The following KIAA0319L variants were observed in gnomAD, a reference collection of about 807,000 sequenced individuals.
KIAA0319L encodes the protein dyslexia-associated protein KIAA0319-like protein.
Under a neutral mutation model 120.1 loss-of-function variants are expected in KIAA0319L, and 55 were observed. That is an observed-to-expected ratio of 0.46 (90% CI 0.37 to 0.57). The LOEUF is 0.57. KIAA0319L is among the 20% of genes least tolerant of loss of function. The pLI, the probability that KIAA0319L is intolerant of heterozygous loss-of-function variation, is 0.00. For synonymous variants in KIAA0319L, 398 were observed against 471.9 expected (o/e 0.84, Z 2.03); for missense variants, 1,049 against 1,255.3 (o/e 0.84, Z 2.48).
chr1:35,496,970 A>G (rs1570827068), intron 3 of KIAA0319L, among the ~76,000 whole-genome samples: 3 of 150,942 alleles, frequency 2.0e-5, no homozygotes, highest in Admixed American at 1.3e-4. Context: ...AAAAAAAAAA[A>G]GCAGCTACTG....
chr1:35,493,008 T>A (rs1644655591), intron 3 of KIAA0319L, among the ~76,000 whole-genome samples: 1 of 151,780 alleles, frequency 6.6e-6, no homozygotes, highest in East Asian at 1.9e-4. Flanking sequence ...AAAGTAAAAA[T>A]ATATAAAAAA....
intron 3 of KIAA0319L, among the ~76,000 whole-genome samples, chr1:35,499,294 A>C (rs1644918776): frequency 6.6e-6 from 1 of 152,222 alleles, no homozygotes; most frequent in Non-Finnish European, 1.5e-5. Flanking sequence ...TGATGGTATT[A>C]GGAGGTAGGG....
chr1:35,542,056 A>C (rs1646814072), intron 2 of KIAA0319L, among the ~76,000 whole-genome samples: 1 of 152,186 alleles, frequency 6.6e-6, no homozygotes, highest in Non-Finnish European at 1.5e-5. Flanking sequence ...GTGCAGACAA[A>C]GCTCCCACTG....
At chr1:35,552,629 T>C (rs1389438091) in intron 2 of KIAA0319L, among the ~76,000 whole-genome samples, 2 of 152,054 alleles carry the variant, frequency 1.3e-5, no homozygotes, top group African/African-American at 4.8e-5. Context: ...GTAGGTGTGC[T>C]TCAAAAAATG....
chr1:35,492,601 T>C (rs1644639425), intron 3 of KIAA0319L, among the ~76,000 whole-genome samples: 2 of 152,152 alleles, frequency 1.3e-5, no homozygotes, highest in African/African-American at 4.8e-5. Context: ...GTTTAACATT[T>C]GAAATCAATC....
chr1:35,479,137 C>T lies in KIAA0319L; in HGVS notation c.742G>A (p.Val248Ile), dbSNP rs769753959. ...TCTGATATTTCAGGTTGCACTGATACATTCTTTGGCCCACCAGACAGCTCT... is the reference window on the plus strand; with the variant it reads ...TCTGATATTTCAGGTTGCACTGATATATTCTTTGGCCCACCAGACAGCTCT... The part of the protein sequence containing the change: ...TAELSGGPKN[V>I]SVQPEISEGL... The change falls in exon 4 of 21, where the codon GTA becomes ATA. Residue 248 changes from valine (V) to isoleucine (I), a missense_variant. Physicochemically the swap from Val to Ile is conservative, Grantham distance 29. Coordinates refer to ENST00000325722, the MANE Select transcript of KIAA0319L (RefSeq NM_024874.5). The T allele has an allele frequency of 1.2e-5, 20 of 1,614,124 alleles. No individual in the cohort carries two copies. Among genetic ancestry groups the T allele is most frequent in the Non-Finnish European group, 1.7e-5 (20 of 1,179,974 alleles).
At chr1:35,518,977 CAAA>C (rs766877681) in intron 2 of KIAA0319L, among the ~76,000 whole-genome samples, 42 of 59,760 alleles carry the variant, frequency 7.0e-4, no homozygotes, top group African/African-American at 1.8e-3. Context: ...GACTCTGTCT[CAAA>C]AAAAAAAAAA....
intron 2 of KIAA0319L, among the ~76,000 whole-genome samples, chr1:35,530,454 C>T (rs1438113191): frequency 1.3e-5 from 2 of 152,034 alleles, no homozygotes; most frequent in Non-Finnish European, 2.9e-5. Context: ...TATGCTATCT[C>T]TTTGGTGAAT....
At chr1:35,546,124 A>C (rs1319473176) in intron 2 of KIAA0319L, among the ~76,000 whole-genome samples, 1 of 152,192 alleles carries the variant, frequency 6.6e-6, no homozygotes, top group Non-Finnish European at 1.5e-5. Context: ...AGTAGTGAGC[A>C]CACAGGTTAC....
At chr1:35,438,098 TA>T (rs1640929237) in intron 20 of KIAA0319L, among the ~76,000 whole-genome samples, 1 of 152,248 alleles carries the variant, frequency 6.6e-6, no homozygotes, top group Non-Finnish European at 1.5e-5. Context: ...CTGATTTTCC[TA>T]AACCAGCTTA....
intron 2 of KIAA0319L, among the ~76,000 whole-genome samples, chr1:35,529,160 T>C (rs1258228538): frequency 6.6e-6 from 1 of 152,228 alleles, no homozygotes; most frequent in East Asian, 1.9e-4. Flanking sequence ...CACCTTGGCC[T>C]CCTGAAGTAC....
intron 2 of KIAA0319L, among the ~76,000 whole-genome samples, chr1:35,519,876 G>A (rs1440604060): frequency 6.6e-6 from 1 of 152,108 alleles, no homozygotes; most frequent in Non-Finnish European, 1.5e-5. Context: ...CTCCAGCACT[G>A]ATATTCTCCA....
rs1490341354 is a variant in KIAA0319L, at chr1:35,434,137, T to G, written c.*757A>C. ...TCTTGCTCTGTCACTCAGGCTGGAG[T>G]GCAGTGGCACGATCTTGGCTCACTG... On this transcript the variant is annotated 3_prime_UTR_variant, in exon 21 of 21. Transcript: ENST00000325722. 1.4e-5 allele frequency: 2 copies of G among 146,760 alleles called. No individual in the cohort carries two copies. The highest frequency in any genetic ancestry group is 3.0e-5 in the Non-Finnish European group (2 of 67,478). 9.1% of individuals were successfully genotyped at this position (146,760 alleles called of 1,614,324 possible). A position where few individuals can be genotyped will look rare whatever the true frequency, so the allele number is the denominator to read the frequency against.
chr1:35,501,627 A>C (rs1645008808), intron 3 of KIAA0319L, among the ~76,000 whole-genome samples: 1 of 152,196 alleles, frequency 6.6e-6, no homozygotes, highest in Non-Finnish European at 1.5e-5. Flanking sequence ...CTGTAATACC[A>C]GCACTTTGGG....
At chr1:35,514,633 A>G (rs139247294) in intron 2 of KIAA0319L, among the ~76,000 whole-genome samples, 389 of 152,352 alleles carry the variant, frequency 2.6e-3, no homozygotes, top group African/African-American at 8.9e-3. Flanking sequence ...AAAGATCAAA[A>G]AAGACAAAGA....
chr1:35,538,851 T>C (rs964709699), intron 2 of KIAA0319L, among the ~76,000 whole-genome samples: 5 of 152,080 alleles, frequency 3.3e-5, no homozygotes, highest in Admixed American at 1.3e-4. Context: ...TTCAAGTTAA[T>C]TGTAAGTCAC....
At chr1:35,530,753 G>GT (rs1325296187) in intron 2 of KIAA0319L, among the ~76,000 whole-genome samples, 4 of 152,154 alleles carry the variant, frequency 2.6e-5, no homozygotes, top group Admixed American at 6.5e-5. Context: ...TCTTACAGAT[G>GT]TATCTACAGT....
intron 16 of KIAA0319L, 130 bp from the exon 17 acceptor site, chr1:35,444,433 G>T: frequency 1.2e-6 from 1 of 855,006 alleles, no homozygotes; most frequent in Non-Finnish European, 1.7e-6. Flanking sequence ...GTTACTACAA[G>T]CCAGTGAGAA....
At chr1:35,513,289 T>TATATATATATATATATA (rs1491413167) in intron 2 of KIAA0319L, among the ~76,000 whole-genome samples, 2 of 70,628 alleles carry the variant, frequency 2.8e-5, no homozygotes, top group South Asian at 4.3e-4. Flanking sequence ...TATATATATA[T>TATATATATATATATATA]TTTTTTTTTT....
Sources: gnomAD v4.1 joint callset for allele counts (sites outside exome capture counted in the v4.1 genomes callset) on GRCh38, gnomAD v4.1.1 for gene constraint, MANE v1.5 for transcripts, NCBI Gene and HGNC (gene_info 2026-07-23, HGNC 2026-07-21) for gene names.